The following CYRIB variants were observed in gnomAD, a reference collection of about 807,000 sequenced individuals.
CYRIB encodes the protein CYFIP-related Rac1 interactor B.
Under a neutral mutation model 44.2 loss-of-function variants are expected in CYRIB, and 8 were observed. The observed-to-expected ratio is 0.18, with a 90% CI of 0.11 to 0.33. The LOEUF is 0.33. CYRIB is among the 10% of genes least tolerant of loss of function. CYRIB has a pLI of 1.00. For synonymous variants in CYRIB, 131 were observed against 127.2 expected, an observed-to-expected ratio of 1.03 and a Z score of -0.20; for missense variants, 185 against 382.8, an observed-to-expected ratio of 0.48 and a Z score of 4.31.
At chr8:129,976,092 CA>C (rs536376142) in intron 1 of CYRIB, among the ~76,000 whole-genome samples, 90 of 149,110 alleles carry the variant, frequency 6.0e-4, no homozygotes, top group African/African-American at 1.5e-3. Flanking sequence ...GTTAATTAAA[CA>C]AAAAAAAAAT....
intron 1 of CYRIB, 37 bp downstream of exon 1, chr8:130,016,333 G>A (rs904176999): frequency 6.8e-6 from 1 of 147,506 alleles, no homozygotes; most frequent in African/African-American, 2.5e-5. Flanking sequence ...CGCGCGGGCC[G>A]GCCGGGCGGC....
chr8:129,884,520 G>A (rs187501046), intron 2 of CYRIB, among the ~76,000 whole-genome samples: 5 of 152,012 alleles, frequency 3.3e-5, no homozygotes, highest in South Asian at 4.2e-4. Context: ...ACTCCCAACC[G>A]CAGGTGACCT....
At chr8:129,872,533 G>C (rs531393017) in intron 3 of CYRIB, among the ~76,000 whole-genome samples, 5 of 152,136 alleles carry the variant, frequency 3.3e-5, no homozygotes, top group Middle Eastern at 6.8e-3. Flanking sequence ...TGGACTCTAA[G>C]AGGAAATGAA....
intron 10 of CYRIB, 101 bp downstream of exon 12, chr8:129,849,142 T>G: frequency 8.8e-7 from 1 of 1,136,074 alleles, no homozygotes; most frequent in South Asian, 1.6e-5. Flanking sequence ...TAAATCTGAG[T>G]TTTGTGAGAG....
intron 4 of CYRIB, 121 bp from the exon 7 acceptor site, chr8:129,862,455 A>G: frequency 2.5e-6 from 2 of 792,130 alleles, no homozygotes; most frequent in Non-Finnish European, 2.0e-6. Context: ...AATATAGAAT[A>G]TTGAATCTAG....
intron 11 of CYRIB, chr8:129,844,145 G>A (rs1028637380): frequency 1.3e-5 from 2 of 152,170 alleles, no homozygotes; most frequent in Admixed American, 1.3e-4. Flanking sequence ...CTAAATAGTA[G>A]AAAGAGCCAA....
chr8:129,924,306 T>TGGG (rs1564003578), intron 1 of CYRIB, among the ~76,000 whole-genome samples: 3 of 5,164 alleles, frequency 5.8e-4, no homozygotes, highest in East Asian at 8.2e-3. Context: ...GGGGGGGGGG[T>TGGG]GGCGGGGGGG....
At position 129,980,536 on chromosome 8, in the gene CYRIB, C is replaced by G. The variant is rs140592611; in HGVS notation, c.-295-9541G>C. Among the ~76,000 whole-genome samples the G allele has an allele frequency of 1.1e-3, 171 of 152,088 alleles. 1 individual carries two copies. Among genetic ancestry groups the G allele is most frequent in the African/African-American group, 3.9e-3 (161 of 41,502 alleles). ...AATATGCGCTGGGCGTGGTGGCTCA[C>G]GCCTGTAATCCCAGGTACTCGGGAG... On this transcript the variant is annotated intron_variant, in intron 1 of 14. Transcript: ENST00000401979.
At chr8:129,949,545 A>T (rs2094387212) in intron 2 of CYRIB, among the ~76,000 whole-genome samples, 1 of 152,056 alleles carries the variant, frequency 6.6e-6, no homozygotes, top group African/African-American at 2.4e-5. Context: ...ACATTAACTA[A>T]ATCCCTCAGT....
chr8:129,869,155 G>A (rs2055676604), intron 4 of CYRIB, among the ~76,000 whole-genome samples: 1 of 151,664 alleles, frequency 6.6e-6, no homozygotes, highest in Admixed American at 6.6e-5. Context: ...GGAGGCGGAG[G>A]TGGGTGGATC....
chr8:129,991,260 T>C (rs1303521881), intron 1 of CYRIB, among the ~76,000 whole-genome samples: 1 of 151,500 alleles, frequency 6.6e-6, no homozygotes, highest in Non-Finnish European at 1.5e-5. Context: ...TGCCTGGCAC[T>C]AAGTATGTGC....
At chr8:130,001,998 T>C (rs545888534) in intron 1 of CYRIB, among the ~76,000 whole-genome samples, 10 of 152,344 alleles carry the variant, frequency 6.6e-5, no homozygotes, top group African/African-American at 2.2e-4. Flanking sequence ...TATTCAAGAA[T>C]TGCTAGCTGT....
chr8:129,930,215 AAAAC>A lies in CYRIB; in HGVS notation c.-50+9389_-50+9392del, dbSNP rs1051292441. On this transcript the variant is annotated intron_variant, in intron 1 of 11. Transcript: ENST00000519824. ...GACAGAGCGAGACTCTGTCTCAAAA[AAAAC>A]AAACAAACAAATAAAACTGTTCATT... 5.5e-4 allele frequency among the ~76,000 whole-genome samples: 83 copies of A among 151,212 alleles called. 1 individual carries two copies. The highest frequency in any genetic ancestry group is 3.1e-3 in the South Asian group (15 of 4,776).
intron 2 of CYRIB, chr8:129,948,428 G>T (rs549361471): frequency 1.3e-5 from 2 of 152,222 alleles, no homozygotes; most frequent in African/African-American, 4.8e-5. Flanking sequence ...ATCCAAGAGG[G>T]CATGATCAGA....
chr8:129,851,018 C>A, intron 8 of CYRIB, 104 bp from the exon 11 acceptor site: 1 of 699,596 alleles, frequency 1.4e-6, no homozygotes, highest in Non-Finnish European at 2.4e-6. Context: ...ACTTTAAAAC[C>A]TGGTTCCTAC....
At chr8:129,970,897 C>T (rs771100184) in intron 2 of CYRIB, 46 bp downstream of exon 2, 6 of 152,196 alleles carry the variant, frequency 3.9e-5, no homozygotes, top group Non-Finnish European at 7.3e-5. Context: ...AGAGTGCTGG[C>T]TCTGGAGCCA....
chr8:129,956,060 G>A (rs765608474), intron 2 of CYRIB, among the ~76,000 whole-genome samples: 2 of 152,170 alleles, frequency 1.3e-5, no homozygotes, highest in African/African-American at 2.4e-5. Context: ...AATCTGGTTA[G>A]CCAACTCTGT....
At position 129,862,292 on chromosome 8, in the gene CYRIB, A is replaced by G. The variant is rs2050159253; in HGVS notation, c.238T>C (p.Trp80Arg). Reference sequence around the variant, plus strand: ...CCTACTAGTGGAACAACTGCACCCCATGCCTTCTCTTGCAACTTCTCATCT... The same window carrying G: ...CCTACTAGTGGAACAACTGCACCCCGTGCCTTCTCTTGCAACTTCTCATCT... Residue 80 changes from tryptophan (W) to arginine (R), a missense_variant, in exon 5 of 12, where the codon TGG (tryptophan) becomes CGG (arginine). Trp to Arg is a moderately radical substitution (Grantham distance 101). Coordinates refer to ENST00000519824, the Ensembl canonical transcript of CYRIB. The G allele has an allele frequency of 1.2e-6, 2 of 1,613,536 alleles. No individual in the cohort carries two copies. Among genetic ancestry groups the G allele is most frequent in the Admixed American group, 1.7e-5 (1 of 59,946 alleles).
chr8:129,844,707 T>C (rs2038784184), intron 11 of CYRIB, among the ~76,000 whole-genome samples: 1 of 152,218 alleles, frequency 6.6e-6, no homozygotes, highest in Admixed American at 6.5e-5. Context: ...TATACATACA[T>C]ATGGAACTAT....
Sources: gnomAD v4.1 joint callset for allele counts (sites outside exome capture counted in the v4.1 genomes callset) on GRCh38, gnomAD v4.1.1 for gene constraint, MANE v1.5 for transcripts, NCBI Gene and HGNC (gene_info 2026-07-23, HGNC 2026-07-21) for gene names.